Variants in GPC6 observed in about 807,000 individuals in gnomAD.
The protein encoded by GPC6 is glypican 6, also known as glypican-6.
A neutral mutation model predicts 55.2 loss-of-function variants in GPC6; 14 were observed. The ratio of observed to expected loss-of-function variants is 0.25; its 90% CI spans 0.17 to 0.40. GPC6 has a LOEUF of 0.40. Ranked by LOEUF, GPC6 falls within the 10% of genes least tolerant of loss-of-function variation. GPC6 has a pLI of 1.00. For synonymous variants in GPC6, 278 were observed against 259.6 expected (o/e 1.07, Z -0.68); for missense variants, 641 against 708.5 (o/e 0.90, Z 1.08).
rs553794934 is a variant in GPC6, at chr13:93,821,755, T to C, written c.320-8399T>C. On this transcript the variant is annotated intron_variant, in intron 2 of 8. Coordinates refer to ENST00000377047, the MANE Select transcript of GPC6 (RefSeq NM_005708.5). ...TTCCTCAGTTTCTCTAACTTGTCTT[T>C]CCATTGAGATTGCTGAACAAAGTCA... Among the ~76,000 whole-genome samples, 217 of 152,284 alleles carry C rather than the reference T, an allele frequency of 1.4e-3. 1 individual carries two copies. The highest frequency in any genetic ancestry group is 7.7e-3 in the South Asian group (37 of 4,826).
At chr13:94,155,436 A>G (rs1247138198) in intron 4 of GPC6, among the ~76,000 whole-genome samples, 1 of 152,138 alleles carries the variant, frequency 6.6e-6, no homozygotes, top group East Asian at 1.9e-4. Flanking sequence ...AGCTTTTGTT[A>G]ATTTTCACAT....
In GPC6 at chr13:93,910,083, T is replaced by C. The variant is rs1399047074; in HGVS notation, c.711+79538T>C. On this transcript the variant is annotated intron_variant, in intron 3 of 8. Transcript: ENST00000377047. The stretch of plus-strand genomic sequence containing the variant: ...TGTTTGTGTGTGTGTGTGTGTGTCT[T>C]TGTGGCTGTGTGATATGGTTTGGCT... 1.8e-4 allele frequency among the ~76,000 whole-genome samples: 26 copies of C among 148,482 alleles called. 1 individual carries two copies. The highest frequency in any genetic ancestry group is 1.6e-3 in the Admixed American group (24 of 15,112).
chr13:93,558,212 C>G (rs1875581476), intron 2 of GPC6, among the ~76,000 whole-genome samples: 1 of 152,088 alleles, frequency 6.6e-6, no homozygotes, highest in African/African-American at 2.4e-5. Flanking sequence ...ACATAAAAAG[C>G]CTAGCATAAG....
chr13:93,370,874 A>C lies in GPC6; in HGVS notation c.160+143258A>C, dbSNP rs192921482. The stretch of plus-strand genomic sequence containing the variant: ...CTTTAGAAAACATTGAGAATGGCTC[A>C]ATACTTTCTACATGGATGTTTATAT... On this transcript the variant is annotated intron_variant, in intron 1 of 8. Coordinates refer to ENST00000377047, the MANE Select transcript of GPC6 (RefSeq NM_005708.5). 6.2e-4 allele frequency among the ~76,000 whole-genome samples: 95 copies of C among 152,298 alleles called. 1 individual carries two copies. Among genetic ancestry groups the C allele is most frequent in the Non-Finnish European group, 1.1e-3 (73 of 68,018 alleles).
At chr13:93,641,262 C>G (rs1457628453) in intron 2 of GPC6, among the ~76,000 whole-genome samples, 1 of 115,700 alleles carries the variant, frequency 8.6e-6, no homozygotes, top group African/African-American at 3.0e-5. Context: ...TTAGAAGAAG[C>G]CATCATATAC....
intron 2 of GPC6, among the ~76,000 whole-genome samples, chr13:93,610,376 G>A (rs1293417973): frequency 6.6e-6 from 1 of 152,186 alleles, no homozygotes; most frequent in Non-Finnish European, 1.5e-5. Flanking sequence ...CCCAGAATGT[G>A]TGCGTAGGTG....
At chr13:94,062,884 C>T (rs150756441) in intron 4 of GPC6, among the ~76,000 whole-genome samples, 27 of 152,208 alleles carry the variant, frequency 1.8e-4, no homozygotes, top group African/African-American at 3.9e-4. Context: ...AATCTTTAAC[C>T]GGATGAATAC....
chr13:93,851,317 G>A (rs896762462), intron 3 of GPC6, among the ~76,000 whole-genome samples: 6 of 151,940 alleles, frequency 3.9e-5, no homozygotes, highest in South Asian at 2.1e-4. Context: ...TTAAATACAC[G>A]TTACTGCCAG....
chr13:94,154,739 A>C (rs72645963), intron 4 of GPC6, among the ~76,000 whole-genome samples: 558 of 152,322 alleles, frequency 3.7e-3, no homozygotes, highest in Non-Finnish European at 5.4e-3. Context: ...TAAAAGGGAA[A>C]TTTTAAACTC....
At chr13:93,945,092 G>T (rs553549109) in intron 3 of GPC6, among the ~76,000 whole-genome samples, 1 of 152,138 alleles carries the variant, frequency 6.6e-6, no homozygotes, top group Non-Finnish European at 1.5e-5. Context: ...ATTTCACAGA[G>T]TGTAAGTCCA....
rs1019148637 is a variant in GPC6, at chr13:94,305,899, A to G, written c.1009-81A>G. 15 of 1,300,856 alleles carry G rather than the reference A, an allele frequency of 1.2e-5. No homozygotes were observed. The African/African-American group carries it at 1.5e-4, about 13-fold the overall frequency. 80.6% of individuals were successfully genotyped at this position (1,300,856 alleles called of 1,614,324 possible). A position where few individuals can be genotyped will look rare whatever the true frequency, so the allele number is the denominator to read the frequency against. On this transcript the variant is annotated intron_variant, in intron 5 of 8. Transcript: ENST00000377047. ...AAGTTTCATAAGAAATGTGGACACC[A>G]TTGCATTGCACATTTCTGCTTCATG...
chr13:93,582,725 T>TTG (rs1393457072), intron 2 of GPC6, among the ~76,000 whole-genome samples: 1 of 152,186 alleles, frequency 6.6e-6, no homozygotes, highest in Non-Finnish European at 1.5e-5. Context: ...CTCTGTTAGA[T>TTG]TGGAGTAGCT....
At chr13:93,269,011 G>A (rs546261160) in intron 1 of GPC6, among the ~76,000 whole-genome samples, 199 of 150,954 alleles carry the variant, frequency 1.3e-3, no homozygotes, top group African/African-American at 4.2e-3. Flanking sequence ...CATTAGTTAC[G>A]ATTGTCATAC....
At position 93,876,789 on chromosome 13, in the gene GPC6, C is replaced by G. The variant is rs955088044; in HGVS notation, c.711+46244C>G. On this transcript the variant is annotated intron_variant, in intron 3 of 8. Coordinates refer to ENST00000377047, the MANE Select transcript of GPC6 (RefSeq NM_005708.5). ...ATTTTTAAAAGTGAAATCTAGCAACCATTTTGCTCTTACATTAAATGCAAA... is the reference window on the plus strand; with the variant it reads ...ATTTTTAAAAGTGAAATCTAGCAACGATTTTGCTCTTACATTAAATGCAAA... Among the ~76,000 whole-genome samples the G allele has an allele frequency of 2.0e-5, 3 of 151,898 alleles. No individual in the cohort carries two copies. In the South Asian group the frequency reaches 6.2e-4, roughly 32 times the overall value.
chr13:93,505,621 C>T (rs1880685113), intron 1 of GPC6, among the ~76,000 whole-genome samples: 1 of 152,274 alleles, frequency 6.6e-6, no homozygotes, highest in South Asian at 2.1e-4. Flanking sequence ...TTCAGCACTA[C>T]AGCTGGGGGC....
chr13:93,495,312 G>C (rs1043381648), intron 1 of GPC6, among the ~76,000 whole-genome samples: 1 of 149,870 alleles, frequency 6.7e-6, no homozygotes, highest in Admixed American at 6.7e-5. Flanking sequence ...CCAGTTGATC[G>C]CATCAGCTCC....
At chr13:94,345,801 A>G (rs1176401960) in intron 6 of GPC6, among the ~76,000 whole-genome samples, 2 of 152,366 alleles carry the variant, frequency 1.3e-5, no homozygotes, top group East Asian at 3.9e-4. Flanking sequence ...GATTGCTACA[A>G]CAAAGTACCA....
In GPC6 at chr13:94,055,648, T is replaced by A. The variant is rs73544066; in HGVS notation, c.877+27754T>A. Among the ~76,000 whole-genome samples, 1,372 of 152,078 alleles carry A rather than the reference T, an allele frequency of 9.0e-3. 26 individuals are homozygous for A. Among genetic ancestry groups the A allele is most frequent in the African/African-American group, 0.031 (1,268 of 41,490 alleles). On this transcript the variant is annotated intron_variant, in intron 4 of 8. Transcript: ENST00000377047. ...AGCAAAGAACCTTTATCACTTGGAG[T>A]CTTAGCAGTAATTGTTGGATGTAGT...
chr13:94,383,368 G>A (rs1295441085), intron 7 of GPC6, among the ~76,000 whole-genome samples: 1 of 152,130 alleles, frequency 6.6e-6, no homozygotes, highest in East Asian at 1.9e-4. Flanking sequence ...TGCTAAGAGG[G>A]GAGTCTGTTC....
Sources: allele counts gnomAD v4.1 joint callset (sites outside exome capture counted in the v4.1 genomes callset), GRCh38; gene constraint gnomAD v4.1.1; transcripts MANE v1.5; gene names NCBI Gene and HGNC (gene_info 2026-07-23, HGNC 2026-07-21).